CPM: variants seen among roughly 807,000 people sequenced by gnomAD.
CPM encodes carboxypeptidase M.
Under a neutral mutation model 46.4 loss-of-function variants are expected in CPM, and 35 were observed. That is an observed-to-expected ratio of 0.75 (90% CI 0.58 to 1.00). CPM has a LOEUF of 1.00. Ranked by LOEUF, CPM falls within the 50% of genes least tolerant of loss-of-function variation. The pLI is 0.00. For synonymous variants in CPM, 195 were observed against 195.3 expected (o/e 1.00, Z 0.01); for missense variants, 422 against 530.4 (o/e 0.80, Z 2.01).
chr12:68,948,009 A>C (rs985592334), intron 1 of CPM, among the ~76,000 whole-genome samples: 1 of 152,174 alleles, frequency 6.6e-6, no homozygotes, highest in African/African-American at 2.4e-5. Flanking sequence ...CAAACAAACA[A>C]ATAAGACCCA....
chr12:68,937,895 G>A (rs1416485363), upstream of CPM, among the ~76,000 whole-genome samples: 1 of 152,178 alleles, frequency 6.6e-6, no homozygotes, highest in African/African-American at 2.4e-5. Context: ...GTGTTAGAGA[G>A]GACCAATGAC....
downstream of CPM, chr12:68,847,493 G>C (rs1419110699): frequency 8.9e-6 from 1 of 112,882 alleles, no homozygotes; most frequent in South Asian, 2.6e-4. Context: ...CCGCTGTTTA[G>C]CCCAGGCCGG....
chr12:68,869,552 C>T (rs924885037), intron 5 of CPM, 57 bp from the exon 6 acceptor site: 1 of 1,479,008 alleles, frequency 6.8e-7, no homozygotes, highest in African/African-American at 1.4e-5. Flanking sequence ...AGAGGAAACA[C>T]AAACACCATA....
chr12:68,913,485 C>T (rs537349896), intron 2 of CPM, among the ~76,000 whole-genome samples: 1 of 152,098 alleles, frequency 6.6e-6, no homozygotes, highest in Non-Finnish European at 1.5e-5. Context: ...ACACAAGCTC[C>T]TAGTATTTGG....
At chr12:68,925,360 G>A (rs1328338642) in intron 2 of CPM, among the ~76,000 whole-genome samples, 1 of 152,122 alleles carries the variant, frequency 6.6e-6, no homozygotes, top group Non-Finnish European at 1.5e-5. Context: ...AAAGACCCAT[G>A]GTCACGTAGC....
At chr12:68,850,280 C>T (rs991896803), downstream of CPM, 2 of 132,542 alleles carry the variant, frequency 1.5e-5, no homozygotes, top group Non-Finnish European at 3.4e-5. Flanking sequence ...AGCGAGACTT[C>T]GTCCCAAAAA....
rs1329714905 is a variant in CPM, at chr12:68,862,118, G to C, written c.941-3047C>G. On this transcript the variant is annotated intron_variant, in intron 7 of 8. Transcript: ENST00000551568. ...GCTGAATCAAGGCTCCAGTCAACCT[G>C]CGGTCTGCCTACCCTCAAAGATAGA... is the stretch of plus-strand genomic sequence containing the variant. 3.0e-5 allele frequency among the ~76,000 whole-genome samples: 4 copies of C among 132,742 alleles called. 1 individual carries two copies. Among genetic ancestry groups the C allele is most frequent in the African/African-American group, 1.2e-4 (4 of 33,336 alleles). The allele number at this position is 132,742 out of a possible 152,430, so 87.1% of individuals were successfully genotyped here. A position where few individuals can be genotyped will look rare whatever the true frequency, so the allele number is the denominator to read the frequency against.
chr12:68,912,543 G>A (rs1049840743), intron 2 of CPM, among the ~76,000 whole-genome samples: 13 of 152,262 alleles, frequency 8.5e-5, no homozygotes, highest in Admixed American at 5.2e-4. Context: ...TATGTAAAAA[G>A]AGGGAGTATA....
chr12:68,943,362 T>C (rs986069453), intron 1 of CPM, among the ~76,000 whole-genome samples: 10 of 152,214 alleles, frequency 6.6e-5, no homozygotes, highest in Non-Finnish European at 1.2e-4. Context: ...CTGTTATAAA[T>C]GCTTTATAAG....
At chr12:68,942,782 G>T (rs1003313942) in intron 1 of CPM, among the ~76,000 whole-genome samples, 14 of 152,146 alleles carry the variant, frequency 9.2e-5, no homozygotes, top group African/African-American at 3.4e-4. Context: ...ATCCCCTAGT[G>T]GTTTGTACCA....
intron 7 of CPM, among the ~76,000 whole-genome samples, chr12:68,865,673 CT>C (rs1809965828): frequency 6.6e-6 from 1 of 151,964 alleles, no homozygotes; most frequent in African/African-American, 2.4e-5. Flanking sequence ...GGTATCATAG[CT>C]ATTATGCCAA....
chr12:68,848,098 T>A (rs1884454998), downstream of CPM: 1 of 152,196 alleles, frequency 6.6e-6, no homozygotes, highest in South Asian at 2.1e-4. Context: ...CACTACACTC[T>A]GCTTAGGAGA....
downstream of CPM, chr12:68,850,311 T>G (rs903289095): frequency 3.3e-5 from 5 of 151,508 alleles, no homozygotes; most frequent in Non-Finnish European, 7.4e-5. Context: ...AGCTGCAAAT[T>G]TAAACGTTGA....
chr12:68,848,296 CT>C (rs1192238449), downstream of CPM: 1 of 152,232 alleles, frequency 6.6e-6, no homozygotes, highest in Non-Finnish European at 1.5e-5. Context: ...GATTCTCCTG[CT>C]TTAGCCTCCC....
At position 68,852,342 on chromosome 12, in the gene CPM, A is replaced by G. The variant is rs1884735618; in HGVS notation, c.*4095T>C. The G allele has an allele frequency of 6.6e-6, 1 of 152,182 alleles. No homozygotes were observed. The highest frequency in any genetic ancestry group is 2.4e-5 in the African/African-American group (1 of 41,450). 9.4% of individuals were successfully genotyped at this position (152,182 alleles called of 1,614,324 possible). A position where few individuals can be genotyped will look rare whatever the true frequency, so the allele number is the denominator to read the frequency against. ...ATTTGAGTAGGTATACTCTTTAAGAAGGTATATTATACTGCCTTCAAAATA... is the reference window on the plus strand; with the variant it reads ...ATTTGAGTAGGTATACTCTTTAAGAGGGTATATTATACTGCCTTCAAAATA... On this transcript the variant is annotated 3_prime_UTR_variant, in exon 9 of 9. Transcript: ENST00000551568.
chr12:68,934,313 C>A (rs931945891), upstream of CPM, among the ~76,000 whole-genome samples: 1 of 152,090 alleles, frequency 6.6e-6, no homozygotes, highest in Non-Finnish European at 1.5e-5. Flanking sequence ...CTCGTGGAGG[C>A]CCAAGAAAGT....
chr12:68,932,533 A>C (rs973987355), intron 2 of CPM, 145 bp downstream of exon 2: 30 of 908,402 alleles, frequency 3.3e-5, no homozygotes, highest in Non-Finnish European at 4.4e-5. Flanking sequence ...AGCAGAAAAC[A>C]ACCAACACGC....
intron 3 of CPM, among the ~76,000 whole-genome samples, chr12:68,873,735 T>C (rs1344377080): frequency 6.6e-6 from 1 of 151,212 alleles, no homozygotes; most frequent in Non-Finnish European, 1.5e-5. Flanking sequence ...TAGGCAACCA[T>C]AAAATTTAGA....
chr12:68,869,525 A>T, intron 5 of CPM, 30 bp from the exon 6 acceptor site: 1 of 1,576,340 alleles, frequency 6.3e-7, no homozygotes, highest in Non-Finnish European at 8.6e-7. Context: ...CAAGACCTTT[A>T]AACTGACTTG....
Sources: allele counts gnomAD v4.1 joint callset (sites outside exome capture counted in the v4.1 genomes callset), GRCh38; gene constraint gnomAD v4.1.1; transcripts MANE v1.5; gene names NCBI Gene and HGNC (gene_info 2026-07-23, HGNC 2026-07-21).